The following MACC1 variants were observed in gnomAD, a reference collection of about 807,000 sequenced individuals.
MACC1 encodes MET transcriptional regulator MACC1.
Under a neutral mutation model 70.7 loss-of-function variants are expected in MACC1, and 79 were observed. That is an observed-to-expected ratio of 1.12 (90% CI 0.93 to 1.35). MACC1 has a LOEUF of 1.35. Ranked by LOEUF, MACC1 falls within the 40% of genes most tolerant of loss-of-function variation. MACC1 has a pLI of 0.00. For missense variants in MACC1, 1,106 were observed against 978.1 expected (o/e 1.13, Z -1.74); for synonymous variants, 361 against 347.2 (o/e 1.04, Z -0.44).
At chr7:20,183,428 C>G (rs1376933385) in intron 1 of MACC1, among the ~76,000 whole-genome samples, 8 of 152,174 alleles carry the variant, frequency 5.3e-5, no homozygotes. Context: ...TCAAATGACA[C>G]CTTGATTTTG....
At chr7:20,178,121 C>T (rs1369772943) in intron 1 of MACC1, among the ~76,000 whole-genome samples, 2 of 152,058 alleles carry the variant, frequency 1.3e-5, no homozygotes, top group East Asian at 3.9e-4. Flanking sequence ...AGTTTACCTA[C>T]TTACTTATAA....
In MACC1 at chr7:20,134,859, A is replaced by G. The variant is rs959976239; in HGVS notation, c.*6087T>C. 2.0e-5 allele frequency: 3 copies of G among 152,226 alleles called. No homozygotes were observed. Among genetic ancestry groups the G allele is most frequent in the Non-Finnish European group, 2.9e-5 (2 of 68,040 alleles). 9.4% of individuals were successfully genotyped at this position (152,226 alleles called of 1,614,324 possible). ...AATCACCCAAAGAAAAACAATTAAC[A>G]AGGAAATGATGGCAGAGGATAAAAC... On this transcript the variant is annotated 3_prime_UTR_variant, in exon 7 of 7. Transcript: ENST00000400331.
At chr7:20,189,863 C>T (rs1054929690) in intron 1 of MACC1, among the ~76,000 whole-genome samples, 1 of 151,938 alleles carries the variant, frequency 6.6e-6, no homozygotes, top group Non-Finnish European at 1.5e-5. Flanking sequence ...AACTGAAAGG[C>T]TTAAACATTT....
At chr7:20,142,831 C>T (rs1379271679) in intron 6 of MACC1, among the ~76,000 whole-genome samples, 2 of 152,176 alleles carry the variant, frequency 1.3e-5, no homozygotes, top group Non-Finnish European at 2.9e-5. Context: ...CCCTGATGCT[C>T]AACGAACTGG....
At position 20,139,175 on chromosome 7, in the gene MACC1, C is replaced by G. The variant is rs1403990432; in HGVS notation, c.*1771G>C. 6.6e-6 allele frequency: 1 copy of G among 152,164 alleles called. No individual in the cohort carries two copies. Among genetic ancestry groups the G allele is most frequent in the East Asian group, 1.9e-4 (1 of 5,198 alleles). 9.4% of individuals were successfully genotyped at this position (152,164 alleles called of 1,614,324 possible). On this transcript the variant is annotated 3_prime_UTR_variant, in exon 7 of 7. Transcript: ENST00000400331. ...GTGTTTTCTTTCTAAATTCTAGCAG[C>G]CTTAATGGCCCTAATGTGGCTTCTT...
rs1781790726 is a variant in MACC1, at chr7:20,140,924, A to T, written c.*22T>A. 1 of 1,587,508 alleles carries T rather than the reference A, an allele frequency of 6.3e-7. No homozygotes were observed. The highest frequency in any genetic ancestry group is 1.7e-5 in the Admixed American group (1 of 59,172). On this transcript the variant is annotated 3_prime_UTR_variant, in exon 7 of 7. Coordinates refer to ENST00000400331, the MANE Select transcript of MACC1 (RefSeq NM_182762.4). ...ACACCATTACCTCATTTTCCCTCCC[A>T]TCAAAAACACACGCTTTGTTTCTAT...
chr7:20,141,048 G>A lies in MACC1; in HGVS notation c.2457C>T (p.Asn819=). The change falls in exon 7 of 7, where the codon AAC becomes AAT. Residue 819 remains asparagine, a synonymous_variant. Transcript: ENST00000400331. ...ATTCTCTCCAGTGTTTAGTCACAGG[G>A]TTTTTCATTCTGTCCAAAGCTGACT... The part of the protein sequence containing the change: ...DLQSALDRMK[N]PVTKHWRELT... 6.2e-7 allele frequency: 1 copy of A among 1,613,938 alleles called. No individual in the cohort carries two copies. Among genetic ancestry groups the A allele is most frequent in the South Asian group, 1.1e-5 (1 of 91,064 alleles).
At chr7:20,147,993 C>T (rs1400786412) in intron 6 of MACC1, among the ~76,000 whole-genome samples, 1 of 152,048 alleles carries the variant, frequency 6.6e-6, no homozygotes, top group African/African-American at 2.4e-5. Context: ...AAATTGGGCT[C>T]CTTCAATTTA....
chr7:20,187,663 G>T (rs1167686608), intron 1 of MACC1, among the ~76,000 whole-genome samples: 1 of 152,198 alleles, frequency 6.6e-6, no homozygotes, highest in Non-Finnish European at 1.5e-5. Flanking sequence ...TCTTGGAACT[G>T]AAGGAAAGCA....
intron 6 of MACC1, among the ~76,000 whole-genome samples, chr7:20,152,084 G>C (rs922600758): frequency 1.3e-5 from 2 of 152,076 alleles, no homozygotes; most frequent in African/African-American, 4.8e-5. Flanking sequence ...TGTCTGTCAC[G>C]GAGTCAGTGC....
intron 6 of MACC1, among the ~76,000 whole-genome samples, chr7:20,146,947 C>A (rs1005301855): frequency 6.6e-6 from 1 of 152,132 alleles, no homozygotes; most frequent in Non-Finnish European, 1.5e-5. Context: ...GATAAAAGCA[C>A]AAAGTTGTTA....
intron 1 of MACC1, among the ~76,000 whole-genome samples, chr7:20,201,502 A>G (rs1168285125): frequency 1.3e-5 from 2 of 152,190 alleles, no homozygotes; most frequent in Non-Finnish European, 2.9e-5. Flanking sequence ...GGAAGGATGC[A>G]GAGAAAGGCA....
Position 20,159,525 on chromosome 7 carries a change from T to A in MACC1, c.836A>T (p.Asn279Ile), listed in dbSNP as rs377488008. The A allele has an allele frequency of 1.2e-6, 2 of 1,614,134 alleles. No individual in the cohort carries two copies. The highest frequency in any genetic ancestry group is 1.7e-6 in the Non-Finnish European group (2 of 1,180,026). Reference sequence around the variant, plus strand: ...CAAAAGGGCTTCCATTGTATTGAGGTTGCCTAACATGATTTCCAACAACGG... The same window carrying A: ...CAAAAGGGCTTCCATTGTATTGAGGATGCCTAACATGATTTCCAACAACGG... ...VSPLLEIMLGNLNTMEALLLE... is the reference protein window; with the variant it reads ...VSPLLEIMLGILNTMEALLLE... Residue 279 changes from asparagine (N) to isoleucine (I), a missense_variant, in exon 5 of 7, where the codon AAC (asparagine) becomes ATC (isoleucine). Physicochemically the swap from Asn to Ile is moderately radical, Grantham distance 149 (BLOSUM62 -3). Transcript: ENST00000400331.
At chr7:20,154,473 G>C in intron 5 of MACC1, 92 bp from the exon 6 acceptor site, 13 of 1,296,892 alleles carry the variant, frequency 1.0e-5, no homozygotes, top group Non-Finnish European at 1.4e-5. Flanking sequence ...TCTACAAATG[G>C]GAGTCCTTTT....
rs375559820 is a variant in MACC1 at position 20,158,956 on chromosome 7, G to C, written c.1405C>G (p.Gln469Glu). The C allele has an allele frequency of 1.2e-6, 2 of 1,613,824 alleles. No individual in the cohort carries two copies. The highest frequency in any genetic ancestry group is 1.7e-6 in the Non-Finnish European group (2 of 1,179,978). ...TGCTCAACTAAAGAAAATAAAAATT[G>C]TTGATGAACTACTTCACCTGCTTCC... The part of the protein sequence containing the change: ...QLEAGEVVHQ[Q>E]FLFSLVEHRE... Residue 469 changes from glutamine (Q) to glutamate (E), a missense_variant, in exon 5 of 7, where the codon CAA (glutamine) becomes GAA (glutamate). Gln to Glu is a conservative substitution (Grantham distance 29, BLOSUM62 2). Transcript: ENST00000400331.
In MACC1 at chr7:20,160,218, T is replaced by C; in HGVS notation, c.143A>G (p.Asn48Ser). 1.3e-6 allele frequency: 2 copies of C among 1,582,350 alleles called. No individual in the cohort carries two copies. The highest frequency in any genetic ancestry group is 2.3e-5 in the East Asian group (1 of 44,422). Residue 48 changes from asparagine (N) to serine (S), a missense_variant, in exon 5 of 7, where the codon AAT becomes AGT. By Grantham distance (46) the Asn-to-Ser change is conservative. Transcript: ENST00000400331. ...TECQDPDLLHNWPDAFTLRGN... is the reference protein window; with the variant it reads ...TECQDPDLLHSWPDAFTLRGN... Reference sequence around the variant, plus strand: ...ACGAAGGGTGAAAGCATCCGGCCAATTGTGAAGCAAGTCTGGGTCCTGGCA... The same window carrying C: ...ACGAAGGGTGAAAGCATCCGGCCAACTGTGAAGCAAGTCTGGGTCCTGGCA...
intron 1 of MACC1, among the ~76,000 whole-genome samples, chr7:20,171,881 C>T (rs919833287): frequency 2.0e-5 from 3 of 152,228 alleles, no homozygotes; most frequent in African/African-American, 4.8e-5. Flanking sequence ...TATTTCAACA[C>T]GGTATCAAGT....
rs761222844 is a variant in MACC1, at chr7:20,161,645, C to A, written c.115+103G>T. ...ATGATAAAAACAAGATTTTATAATT[C>A]TTTTCATCTTCCAGCATTTTCAGAG... On this transcript the variant is annotated intron_variant, in intron 4 of 6. Coordinates refer to ENST00000400331, the MANE Select transcript of MACC1 (RefSeq NM_182762.4). The A allele has an allele frequency of 2.5e-4, 169 of 681,072 alleles. 1 individual carries two copies. The highest frequency in any genetic ancestry group is 3.8e-4 in the South Asian group (18 of 47,974). 42.2% of individuals were successfully genotyped at this position (681,072 alleles called of 1,614,324 possible).
At chr7:20,176,104 G>A (rs556736391) in intron 1 of MACC1, among the ~76,000 whole-genome samples, 3 of 152,002 alleles carry the variant, frequency 2.0e-5, no homozygotes, top group Non-Finnish European at 4.4e-5. Flanking sequence ...TTTGTAAACT[G>A]TAAAAAAATT....
Sources: allele counts gnomAD v4.1 joint callset (sites outside exome capture counted in the v4.1 genomes callset), GRCh38; gene constraint gnomAD v4.1.1; transcripts MANE v1.5; gene names NCBI Gene and HGNC (gene_info 2026-07-23, HGNC 2026-07-21).